The following GBF1 variants were observed in gnomAD, a reference collection of about 807,000 sequenced individuals.
GBF1 encodes the protein golgi brefeldin A resistant guanine nucleotide exchange factor 1, also known as Golgi-specific brefeldin A-resistance guanine nucleotide exchange factor 1.
In GBF1, 114 loss-of-function variants were observed where a neutral mutation model predicts 210.5. The ratio of observed to expected loss-of-function variants is 0.54; its 90% CI spans 0.47 to 0.63. The LOEUF (loss-of-function observed/expected upper bound fraction) is 0.63. GBF1 is among the 30% of genes least tolerant of loss of function. The pLI, the probability that GBF1 is intolerant of heterozygous loss-of-function variation, is 0.00. For synonymous variants in GBF1, 850 were observed against 889.2 expected (o/e 0.96, Z 0.78); for missense variants, 1,851 against 2,357.7 (o/e 0.79, Z 4.45).
At chr10:102,333,444 A>T (rs1237658996) in intron 3 of GBF1, among the ~76,000 whole-genome samples, 1 of 150,026 alleles carries the variant, frequency 6.7e-6, no homozygotes, top group Non-Finnish European at 1.5e-5. Flanking sequence ...TTTAGCTTTG[A>T]TTATTCTTTG....
intron 14 of GBF1, 72 bp from the exon 15 acceptor site, chr10:102,362,403 A>G (rs2059669878): frequency 8.5e-7 from 1 of 1,178,762 alleles, no homozygotes; most frequent in East Asian, 2.4e-5. Context: ...GAAGTTTTGG[A>G]AATTTTAGAA....
chr10:102,316,254 T>A (rs2078922936), intron 3 of GBF1, among the ~76,000 whole-genome samples: 1 of 152,002 alleles, frequency 6.6e-6, no homozygotes, highest in Non-Finnish European at 1.5e-5. Flanking sequence ...ACCTGGCTAA[T>A]TTTTGTATTT....
intron 10 of GBF1, chr10:102,358,963 A>G (rs1254093983): frequency 1.7e-6 from 1 of 591,230 alleles, no homozygotes; most frequent in Non-Finnish European, 3.0e-6. Flanking sequence ...GTAGTACTTG[A>G]CAAAAGGGAA....
intron 3 of GBF1, among the ~76,000 whole-genome samples, chr10:102,340,336 G>C (rs907998723): frequency 1.4e-5 from 2 of 142,138 alleles, no homozygotes; most frequent in Non-Finnish European, 3.0e-5. Flanking sequence ...GCAGTGGCAC[G>C]ATCTCCGCTC....
chr10:102,331,216 G>A (rs1271167329), intron 3 of GBF1, among the ~76,000 whole-genome samples: 1 of 152,078 alleles, frequency 6.6e-6, no homozygotes, highest in Non-Finnish European at 1.5e-5. Context: ...ATATATAGAT[G>A]GCAAAAATAA....
At chr10:102,333,412 G>C (rs557485040) in intron 3 of GBF1, among the ~76,000 whole-genome samples, 1 of 152,198 alleles carries the variant, frequency 6.6e-6, no homozygotes, top group African/African-American at 2.4e-5. Flanking sequence ...AGTTATTCCA[G>C]AGGCTTCTGG....
chr10:102,240,905 G>A (rs988104691), upstream of GBF1, among the ~76,000 whole-genome samples: 1 of 152,186 alleles, frequency 6.6e-6, no homozygotes, highest in Non-Finnish European at 1.5e-5. Flanking sequence ...AGCCTAGGCC[G>A]AGGGGCATCG....
chr10:102,367,192 T>G lies in GBF1; in HGVS notation c.2541T>G (p.Asn847Lys). Residue 847 changes from asparagine (N) to lysine (K), a missense_variant, in exon 20 of 40, where the codon AAT becomes AAG. Asn to Lys is a moderately conservative substitution (Grantham distance 94). Transcript: ENST00000369983. Reference sequence around the variant, plus strand: ...ACAACCACAATGTTCGTAAACAGAATGCACCCATGACCCTGGAGGTAAGCT... The same window carrying G: ...ACAACCACAATGTTCGTAAACAGAAGGCACCCATGACCCTGGAGGTAAGCT... ...DQHNHNVRKQNAPMTLEEFRK... is the reference protein window; with the variant it reads ...DQHNHNVRKQKAPMTLEEFRK... 1 of 1,614,094 alleles carries G rather than the reference T, an allele frequency of 6.2e-7. No individual in the cohort carries two copies. Among genetic ancestry groups the G allele is most frequent in the Non-Finnish European group, 8.5e-7 (1 of 1,180,000 alleles).
In GBF1 at chr10:102,370,254, T is replaced by C; in HGVS notation, c.3411+9T>C. On this transcript the variant is annotated intron_variant, in intron 27 of 39. Transcript: ENST00000369983. The stretch of plus-strand genomic sequence containing the variant: ...TACAGGAGCTCATGAAGGTAAAGGA[T>C]GAAGAAAGGAAACATGGAACAACTG... 2 of 1,593,624 alleles carry C rather than the reference T, an allele frequency of 1.3e-6. No individual in the cohort carries two copies. The highest frequency in any genetic ancestry group is 1.7e-6 in the Non-Finnish European group (2 of 1,161,358).
chr10:102,260,139 AT>A, intron 3 of GBF1, 23 bp downstream of exon 3: 4 of 1,194,908 alleles, frequency 3.3e-6, no homozygotes, highest in Non-Finnish European at 4.9e-6. Flanking sequence ...ATGTATGTGG[AT>A]TACTAATCTT....
At chr10:102,306,046 C>A (rs558329450) in intron 3 of GBF1, among the ~76,000 whole-genome samples, 46 of 151,584 alleles carry the variant, frequency 3.0e-4, no homozygotes, top group South Asian at 1.7e-3. Context: ...AGCAAGGTTA[C>A]TATATATATA....
chr10:102,241,663 G>C (rs753704879), upstream of GBF1, among the ~76,000 whole-genome samples: 3 of 152,254 alleles, frequency 2.0e-5, no homozygotes, highest in Non-Finnish European at 4.4e-5. The surrounding 1 kb of genome is among the most constrained non-coding windows in gnomAD (Gnocchi z 6.7). Context: ...CGCCTTTGAG[G>C]GAGGGGTCTG....
At chr10:102,240,546 T>A (rs951557645), upstream of GBF1, among the ~76,000 whole-genome samples, 2 of 152,200 alleles carry the variant, frequency 1.3e-5, no homozygotes, top group African/African-American at 4.8e-5. Flanking sequence ...CGCTGCTGGG[T>A]AGACGGACAT....
intron 3 of GBF1, among the ~76,000 whole-genome samples, chr10:102,311,646 T>C (rs1457037142): frequency 6.6e-6 from 1 of 152,218 alleles, no homozygotes; most frequent in African/African-American, 2.4e-5. Flanking sequence ...GGTGACTTCA[T>C]CCAAACCAGC....
At chr10:102,285,623 A>G (rs368274603) in intron 3 of GBF1, among the ~76,000 whole-genome samples, 10 of 152,108 alleles carry the variant, frequency 6.6e-5, no homozygotes, top group East Asian at 5.8e-4. Context: ...TTGCATCTAT[A>G]TATTTTGTGA....
At chr10:102,344,597 C>G (rs2058408809) in intron 4 of GBF1, among the ~76,000 whole-genome samples, 1 of 152,054 alleles carries the variant, frequency 6.6e-6, no homozygotes, top group African/African-American at 2.4e-5. Flanking sequence ...TCTCCTGCCT[C>G]AGCCTCCCGA....
intron 33 of GBF1, among the ~76,000 whole-genome samples, chr10:102,378,801 G>T (rs2060663508): frequency 6.6e-6 from 1 of 152,098 alleles, no homozygotes; most frequent in Admixed American, 6.6e-5. Flanking sequence ...GGCTGTGGCA[G>T]CGCACAGCTG....
intron 3 of GBF1, among the ~76,000 whole-genome samples, chr10:102,276,214 G>C (rs187077812): frequency 6.6e-6 from 1 of 150,386 alleles, no homozygotes; most frequent in East Asian, 2.0e-4. Flanking sequence ...TCCAGCCTGG[G>C]CAACAGAGGG....
intron 13 of GBF1, 51 bp from the exon 14 acceptor site, chr10:102,361,667 C>G: frequency 7.7e-7 from 1 of 1,297,270 alleles, no homozygotes; most frequent in Non-Finnish European, 1.1e-6. Flanking sequence ...TTTTCTCTTC[C>G]TATCTTGAAT....
Sources: allele counts gnomAD v4.1 joint callset (sites outside exome capture counted in the v4.1 genomes callset), GRCh38; gene constraint gnomAD v4.1.1; non-coding constraint Gnocchi (gnomAD v3.1); transcripts MANE v1.5; gene names NCBI Gene and HGNC (gene_info 2026-07-23, HGNC 2026-07-21).